Variants in XYLT2 observed in about 807,000 individuals in gnomAD.
The protein encoded by XYLT2 is UDP-D-xylose:proteoglycan core protein beta-D-xylosyltransferase.
Under a neutral mutation model 82.6 loss-of-function variants are expected in XYLT2, and 37 were observed. That is an observed-to-expected ratio of 0.45 (90% CI 0.34 to 0.59). The LOEUF is 0.59. Ranked by LOEUF, XYLT2 falls within the 20% of genes least tolerant of loss-of-function variation. XYLT2 has a pLI of 0.01. For missense variants in XYLT2, 934 were observed against 1,181.3 expected (o/e 0.79, Z 3.07); for synonymous variants, 474 against 499.0 (o/e 0.95, Z 0.67).
Position 50,358,303 on chromosome 17 carries a change from C to T in XYLT2, c.2038C>T (p.Arg680Trp), listed in dbSNP as rs779155720. The T allele has an allele frequency of 1.2e-5, 19 of 1,613,706 alleles. No homozygotes were observed. The highest frequency in any genetic ancestry group is 1.6e-4 in the Middle Eastern group (1 of 6,084). ...DEPVAVQRWARGPNLTATVVW... is the reference protein window; with the variant it reads ...DEPVAVQRWAWGPNLTATVVW... ...GCCTGTGGCCGTGCAGCGCTGGGCC[C>T]GGGGCCCCAACCTCACAGCCACAGT... The change falls in exon 10 of 11, where the codon CGG becomes TGG. Residue 680 changes from arginine (R) to tryptophan (W), a missense_variant. Coordinates refer to ENST00000017003, the MANE Select transcript of XYLT2 (RefSeq NM_022167.4).
chr17:50,358,361 C>T lies in XYLT2; in HGVS notation c.2096C>T (p.Thr699Ile). The T allele has an allele frequency of 6.2e-7, 1 of 1,614,102 alleles. No homozygotes were observed. Among genetic ancestry groups the T allele is most frequent in the Non-Finnish European group, 8.5e-7 (1 of 1,180,048 alleles). Residue 699 changes from threonine (T) to isoleucine (I), a missense_variant, in exon 10 of 11, where the codon ACA becomes ATA. By Grantham distance (89) the Thr-to-Ile change is moderately conservative (BLOSUM62 -1). Transcript: ENST00000017003. Reference sequence around the variant, plus strand: ...ATCGACCCAACCTATGTGGTGGCCACATCTTATGACATCACAGTAGATACG... The same window carrying T: ...ATCGACCCAACCTATGTGGTGGCCATATCTTATGACATCACAGTAGATACG... Reference protein sequence around the residue: ...VWIDPTYVVATSYDITVDTET... With the variant: ...VWIDPTYVVAISYDITVDTET...
At position 50,358,074 on chromosome 17, in the gene XYLT2, A is replaced by G. The variant is rs571378594; in HGVS notation, c.1942-133A>G. ...AAAGGTCTCCTAGTCTGACCCCTTCATTTTGCAGATGGGGAAACTGAGGCC... is the reference window on the plus strand; with the variant it reads ...AAAGGTCTCCTAGTCTGACCCCTTCGTTTTGCAGATGGGGAAACTGAGGCC... On this transcript the variant is annotated intron_variant, in intron 9 of 10. Transcript: ENST00000017003. The G allele has an allele frequency of 6.3e-6, 5 of 796,322 alleles. No homozygotes were observed. The African/African-American group carries it at 7.0e-5, about 11-fold the overall frequency. 49.3% of individuals were successfully genotyped at this position (796,322 alleles called of 1,614,324 possible).
In XYLT2 at chr17:50,356,521, G is replaced by C; in HGVS notation, c.1493G>C (p.Arg498Thr). ...CCTCTCCCACTCCAGCAAGTCTCCA[G>C]ACCCACCTTCTTCGCCCGGAAGTTC... ...QDFLRLQQVS[R>T]PTFFARKFES... is the part of the protein sequence containing the mutation. Residue 498 changes from arginine to threonine, a missense_variant, in exon 8 of 11, where the codon AGA becomes ACA. By Grantham distance (71) the Arg-to-Thr change is moderately conservative. Coordinates refer to ENST00000017003, the MANE Select transcript of XYLT2 (RefSeq NM_022167.4). 2 of 1,614,060 alleles carry C rather than the reference G, an allele frequency of 1.2e-6. No homozygotes were observed. The highest frequency in any genetic ancestry group is 1.7e-4 in the Middle Eastern group (1 of 6,058).
In XYLT2 at chr17:50,358,287, C is replaced by T. The variant is rs376756069; in HGVS notation, c.2022C>T (p.Ala674=). 120 of 1,613,674 alleles carry T rather than the reference C, an allele frequency of 7.4e-5. 1 individual carries two copies. In the Middle Eastern group the frequency reaches 1.5e-3, roughly 20 times the overall value. ...GLLGPLDEPV[A]VQRWARGPNL... ...TGGGGCCGCTGGACGAGCCTGTGGC[C>T]GTGCAGCGCTGGGCCCGGGGCCCCA... Residue 674 remains alanine (A), a synonymous_variant, in exon 10 of 11, where the codon GCC becomes GCT. Coordinates refer to ENST00000017003, the MANE Select transcript of XYLT2 (RefSeq NM_022167.4).
At chr17:50,353,391 C>T (rs1004678408) in intron 1 of XYLT2, among the ~76,000 whole-genome samples, 1 of 152,186 alleles carries the variant, frequency 6.6e-6, no homozygotes, top group African/African-American at 2.4e-5. Context: ...ATCTGAGAGC[C>T]AGTGGGGGAC....
intron 1 of XYLT2, among the ~76,000 whole-genome samples, chr17:50,353,293 G>GTAGGGTAGGGTA (rs1912346409): frequency 6.6e-6 from 1 of 152,066 alleles, no homozygotes; most frequent in Admixed American, 6.6e-5. Flanking sequence ...CCTTCCCTTG[G>GTAGGGTAGGGTA]GACACACGTA....
intron 1 of XYLT2, among the ~76,000 whole-genome samples, chr17:50,349,128 A>G (rs915183475): frequency 1.3e-5 from 2 of 152,162 alleles, no homozygotes; most frequent in African/African-American, 2.4e-5. Flanking sequence ...ACCACAGCCA[A>G]CCTGGCCCCG....
At chr17:50,359,911 C>A in intron 10 of XYLT2, 58 bp from the exon 11 acceptor site, 2 of 1,457,110 alleles carry the variant, frequency 1.4e-6, no homozygotes, top group South Asian at 1.4e-5. Context: ...ACTCCTGGGT[C>A]TGGCCTCCAC....
At chr17:50,353,604 G>A in intron 1 of XYLT2, 26 bp from the exon 2 acceptor site, 1 of 1,549,644 alleles carries the variant, frequency 6.5e-7, no homozygotes, top group South Asian at 1.2e-5. Context: ...GTCTGCCCCA[G>A]TGATGTGTCT....
In XYLT2 at chr17:50,356,625, C is replaced by G. The variant is rs1912549275; in HGVS notation, c.1597C>G (p.Leu533Val). ...CAGCTACCCCCCCGGCACGCCAGCC[C>G]TCAAGGCCTACTGGGAGAACACCTA... is the stretch of plus-strand genomic sequence containing the variant. ...YGSYPPGTPALKAYWENTYDA... is the reference protein window; with the variant it reads ...YGSYPPGTPAVKAYWENTYDA... Residue 533 changes from leucine (L) to valine (V), a missense_variant, in exon 8 of 11, where the codon CTC becomes GTC. Coordinates refer to ENST00000017003, the MANE Select transcript of XYLT2 (RefSeq NM_022167.4). 6.2e-7 allele frequency: 1 copy of G among 1,614,162 alleles called. No individual in the cohort carries two copies. The highest frequency in any genetic ancestry group is 2.2e-5 in the East Asian group (1 of 44,888).
At position 50,358,528 on chromosome 17, in the gene XYLT2, C is replaced by T; in HGVS notation, c.2263C>T (p.Pro755Ser). The change falls in exon 10 of 11, where the codon CCT becomes TCT. Residue 755 changes from proline to serine, a missense_variant. This residue lies in a region of XYLT2 where 374 missense variants were observed against 465.6 expected (regional missense o/e 0.80). Coordinates refer to ENST00000017003, the MANE Select transcript of XYLT2 (RefSeq NM_022167.4). The stretch of plus-strand genomic sequence containing the variant: ...GCCCTTGACCTTCAACCGCAAACTA[C>T]CTCTCAGGAAAGGTAAGCGTGCAGT... ...VLPLTFNRKL[P>S]LRKDDASWLH... The T allele has an allele frequency of 6.2e-7, 1 of 1,611,978 alleles. No homozygotes were observed. Among genetic ancestry groups the T allele is most frequent in the Non-Finnish European group, 8.5e-7 (1 of 1,178,326 alleles).
rs1007950531 is a variant in XYLT2 at position 50,354,382 on chromosome 17, C to T, written c.629-26C>T. The T allele has an allele frequency of 1.2e-5, 19 of 1,580,808 alleles. 1 individual carries two copies. The highest frequency in any genetic ancestry group is 2.3e-5 in the South Asian group (2 of 88,690). On this transcript the variant is annotated intron_variant, in intron 2 of 10. Coordinates refer to ENST00000017003, the MANE Select transcript of XYLT2 (RefSeq NM_022167.4). ...CCACCCTGTGACCTAGGGTGGGCCT[C>T]GCCAACGCCTGTCCTCTGCTCTCAG...
chr17:50,360,575 T>TTTTTC lies in XYLT2; in HGVS notation c.*288_*289insCTTTT, dbSNP rs1567809555. 44 of 1,099,256 alleles carry TTTTTC rather than the reference T, an allele frequency of 4.0e-5. No individual in the cohort carries two copies. The highest frequency in any genetic ancestry group is 4.8e-5 in the Non-Finnish European group (43 of 897,132). 68.1% of individuals were successfully genotyped at this position (1,099,256 alleles called of 1,614,324 possible). Reference sequence around the variant, plus strand: ...TAGTTTGAATTTCTTTTTTTTCTTTTTTTTTTTTTTTTTTTAATTTAAAAA... The same window carrying TTTTTC: ...TAGTTTGAATTTCTTTTTTTTCTTTTTTTTCTTTTTTTTTTTTTTTAATTTAAAAA... On this transcript the variant is annotated 3_prime_UTR_variant, in exon 11 of 11. Coordinates refer to ENST00000017003, the MANE Select transcript of XYLT2 (RefSeq NM_022167.4).
intron 1 of XYLT2, among the ~76,000 whole-genome samples, chr17:50,352,630 C>T (rs1477593617): frequency 1.3e-5 from 2 of 152,208 alleles, no homozygotes; most frequent in African/African-American, 4.8e-5. Flanking sequence ...ACCACCAGGC[C>T]ATCTAGGGAA....
At chr17:50,357,542 G>T in intron 9 of XYLT2, 1 of 360,680 alleles carries the variant, frequency 2.8e-6, no homozygotes, top group Non-Finnish European at 4.9e-6. Context: ...GAGGGGCAGG[G>T]ACATTCGAGT....
chr17:50,355,962 C>T lies in XYLT2; in HGVS notation c.1270C>T (p.Arg424Cys), dbSNP rs771892070. 5.0e-6 allele frequency: 8 copies of T among 1,613,988 alleles called. No individual in the cohort carries two copies. Among genetic ancestry groups the T allele is most frequent in the African/African-American group, 2.7e-5 (2 of 74,892 alleles). The stretch of plus-strand genomic sequence containing the variant: ...AGATGACCCGCTTGTGGCCCAGCTG[C>T]GCCAGTTCTACACATACACACTGCT... ...YTDDPLVAQLRQFYTYTLLPA... is the reference protein window; with the variant it reads ...YTDDPLVAQLCQFYTYTLLPA... Residue 424 changes from arginine to cysteine, a missense_variant, in exon 6 of 11, where the codon CGC (arginine) becomes TGC (cysteine). Arg to Cys is a radical substitution (Grantham distance 180). Transcript: ENST00000017003.
At position 50,356,779 on chromosome 17, in the gene XYLT2, A is replaced by AC; in HGVS notation, c.1745+11dup. 2 of 1,597,770 alleles carry AC rather than the reference A, an allele frequency of 1.3e-6. No individual in the cohort carries two copies. The highest frequency in any genetic ancestry group is 1.7e-6 in the Non-Finnish European group (2 of 1,176,926). On this transcript the variant is annotated splice_region_variant and intron_variant, in intron 8 of 10. Coordinates refer to ENST00000017003, the MANE Select transcript of XYLT2 (RefSeq NM_022167.4). ...ATGGGCACCCCACTCTGCAGGTGAG[A>AC]CCCCCTTCTGACATACAGCAGGCCC...
intron 1 of XYLT2, among the ~76,000 whole-genome samples, chr17:50,353,161 A>G (rs1235091615): frequency 2.8e-4 from 43 of 151,946 alleles, no homozygotes; most frequent in Admixed American, 2.8e-3. Flanking sequence ...GTCTTCCCAC[A>G]TGGAAATGCT....
At position 50,346,731 on chromosome 17, in the gene XYLT2, A is replaced by G; in HGVS notation, c.135+456A>G. 1 of 985,206 alleles carries G rather than the reference A, an allele frequency of 1.0e-6. No homozygotes were observed. The highest frequency in any genetic ancestry group is 1.2e-6 in the Non-Finnish European group (1 of 829,892). The allele number at this position is 985,206 out of a possible 1,614,324, so 61.0% of individuals were successfully genotyped here. A position where few individuals can be genotyped will look rare whatever the true frequency, so the allele number is the denominator to read the frequency against. ...GACTCAGGGCGTCCTTCCCCAGCTGAGCCCGAGGGGCAGCGGCCGGTGAGG... is the reference window on the plus strand; with the variant it reads ...GACTCAGGGCGTCCTTCCCCAGCTGGGCCCGAGGGGCAGCGGCCGGTGAGG... On this transcript the variant is annotated intron_variant, in intron 1 of 10. Transcript: ENST00000017003. This position sits in a 1 kb window ranked among gnomAD's most constrained non-coding sequence, Gnocchi z 5.1.
Sources: allele counts gnomAD v4.1 joint callset (sites outside exome capture counted in the v4.1 genomes callset), GRCh38; gene constraint gnomAD v4.1.1; regional missense constraint gnomAD v4.1.1; non-coding constraint Gnocchi (gnomAD v3.1); transcripts MANE v1.5; gene names NCBI Gene and HGNC (gene_info 2026-07-23, HGNC 2026-07-21).